NKAIN3: variants seen among roughly 807,000 people sequenced by gnomAD.
NKAIN3 encodes the protein sodium/potassium-transporting ATPase subunit beta-1-interacting protein 3.
NKAIN3 carries 25 observed loss-of-function variants against 30.2 expected under a neutral mutation model. That is an observed-to-expected ratio of 0.83 (90% CI 0.60 to 1.16). The LOEUF (loss-of-function observed/expected upper bound fraction) is 1.16, where lower values mean the gene tolerates loss of function less well. NKAIN3 is among the 50% of genes most tolerant of loss of function. The probability of loss-of-function intolerance (pLI) is 0.00; values close to 1 mark genes in which losing one functional copy is unlikely to be tolerated. For missense variants in NKAIN3, 225 were observed against 254.1 expected (o/e 0.89, Z 0.78); for synonymous variants, 91 against 89.6 (o/e 1.02, Z -0.09).
intron 1 of NKAIN3, among the ~76,000 whole-genome samples, chr8:62,577,340 C>T (rs1332743591): frequency 6.6e-6 from 1 of 151,792 alleles, no homozygotes; most frequent in African/African-American, 2.4e-5. Flanking sequence ...TCTTTAATAT[C>T]ATAAAAGAGA....
chr8:62,505,571 T>C (rs1807606123), intron 1 of NKAIN3, among the ~76,000 whole-genome samples: 1 of 152,164 alleles, frequency 6.6e-6, no homozygotes, highest in Non-Finnish European at 1.5e-5. Context: ...TATCCCCTGC[T>C]CTACAGAATG....
chr8:62,266,482 TA>T (rs1812604706), intron 1 of NKAIN3, among the ~76,000 whole-genome samples: 1 of 152,180 alleles, frequency 6.6e-6, no homozygotes, highest in Admixed American at 6.5e-5. Context: ...AAATAGATAT[TA>T]TCAAAATTTC....
At chr8:62,828,402 A>G (rs1819090878) in intron 4 of NKAIN3, among the ~76,000 whole-genome samples, 1 of 152,198 alleles carries the variant, frequency 6.6e-6, no homozygotes, top group Non-Finnish European at 1.5e-5. Context: ...AGTCCATTTT[A>G]TTGTATGATA....
chr8:62,889,958 T>A (rs377610885), intron 4 of NKAIN3, among the ~76,000 whole-genome samples: 8 of 152,156 alleles, frequency 5.3e-5, no homozygotes, highest in African/African-American at 1.7e-4. Flanking sequence ...TTTCTCAATA[T>A]GATTTTGGTT....
chr8:62,748,546 C>G (rs1418986021), intron 4 of NKAIN3, among the ~76,000 whole-genome samples: 1 of 152,162 alleles, frequency 6.6e-6, no homozygotes, highest in East Asian at 1.9e-4. Context: ...CATGGCTCTT[C>G]TAGGGCCACC....
chr8:62,287,326 G>A (rs59311856), intron 1 of NKAIN3, among the ~76,000 whole-genome samples: 5,053 of 151,996 alleles, frequency 0.033, 310 homozygotes, highest in African/African-American at 0.12. Context: ...GTGATTTCAT[G>A]CATTAATATG....
chr8:62,257,544 G>A (rs894567225), intron 1 of NKAIN3, among the ~76,000 whole-genome samples: 6 of 152,004 alleles, frequency 3.9e-5, no homozygotes, highest in African/African-American at 1.4e-4. Context: ...ACTTCATCCT[G>A]TCACTCCTCT....
chr8:62,726,524 A>G (rs566946510), intron 3 of NKAIN3, among the ~76,000 whole-genome samples: 1 of 152,100 alleles, frequency 6.6e-6, no homozygotes, highest in East Asian at 1.9e-4. Context: ...AATTTTATCA[A>G]ATGATTTCTC....
intron 1 of NKAIN3, among the ~76,000 whole-genome samples, chr8:62,305,713 T>G (rs536158649): frequency 3.3e-5 from 5 of 150,456 alleles, no homozygotes; most frequent in Admixed American, 6.6e-5. Flanking sequence ...CACTAAAGTG[T>G]GATGATGGAT....
rs2130032596 is a variant in NKAIN3, at chr8:62,573,888, A to C, written c.55-5651A>C. On this transcript the variant is annotated intron_variant, in intron 1 of 6. Coordinates refer to ENST00000623646, the MANE Select transcript of NKAIN3 (RefSeq NM_001304533.3). ...TCATTCTTGTTGTTACAAACAATCT[A>C]ATTATACTTTTGTAGCTATTTTAAA... Among the ~76,000 whole-genome samples, 2 of 152,272 alleles carry C rather than the reference A, an allele frequency of 1.3e-5. 1 individual carries two copies. Among genetic ancestry groups the C allele is most frequent in the East Asian group, 3.9e-4 (2 of 5,178 alleles).
intron 5 of NKAIN3, among the ~76,000 whole-genome samples, chr8:62,932,316 C>T (rs1300724648): frequency 6.6e-6 from 1 of 152,178 alleles, no homozygotes; most frequent in African/African-American, 2.4e-5. Flanking sequence ...GAAGATCTTA[C>T]ATTCTAATAA....
chr8:62,627,826 A>G (rs959337924), intron 3 of NKAIN3, among the ~76,000 whole-genome samples: 7 of 152,130 alleles, frequency 4.6e-5, no homozygotes, highest in Non-Finnish European at 8.8e-5. Context: ...TGGAGACAGA[A>G]GTAGACTGCT....
At chr8:62,958,390 G>A (rs1224975484) in intron 6 of NKAIN3, among the ~76,000 whole-genome samples, 2 of 152,010 alleles carry the variant, frequency 1.3e-5, no homozygotes, top group Non-Finnish European at 2.9e-5. Context: ...TACCACAACT[G>A]CTATCGAGGG....
intron 4 of NKAIN3, among the ~76,000 whole-genome samples, chr8:62,883,867 T>A (rs1180321872): frequency 6.6e-6 from 1 of 152,198 alleles, no homozygotes; most frequent in Admixed American, 6.5e-5. Flanking sequence ...CTAATACTTG[T>A]ATTCAATTCC....
At chr8:62,646,138 GAAA>G (rs75073790) in intron 3 of NKAIN3, among the ~76,000 whole-genome samples, 200 of 116,196 alleles carry the variant, frequency 1.7e-3, no homozygotes, top group African/African-American at 5.3e-3. Flanking sequence ...CCTCATTCTG[GAAA>G]AAAAAAAAAA....
Position 62,365,222 on chromosome 8 carries a change from A to G in NKAIN3, c.54+116095A>G, listed in dbSNP as rs151298436. Among the ~76,000 whole-genome samples, 539 of 152,328 alleles carry G rather than the reference A, an allele frequency of 3.5e-3. 1 individual carries two copies. The highest frequency in any genetic ancestry group is 5.8e-3 in the Non-Finnish European group (397 of 68,024). On this transcript the variant is annotated intron_variant, in intron 1 of 6. Coordinates refer to ENST00000623646, the MANE Select transcript of NKAIN3 (RefSeq NM_001304533.3). Reference sequence around the variant, plus strand: ...ATAAATTTCAAGTATACAGAAAAGTATAGAGCAAATATCCCAAATACCTGT... The same window carrying G: ...ATAAATTTCAAGTATACAGAAAAGTGTAGAGCAAATATCCCAAATACCTGT...
intron 5 of NKAIN3, among the ~76,000 whole-genome samples, chr8:62,923,190 C>T (rs6472060): frequency 0.027 from 4,058 of 151,918 alleles, 160 homozygotes; most frequent in African/African-American, 0.083. Flanking sequence ...CCCAGCTACT[C>T]GGGAGGCTCA....
chr8:62,381,433 A>T (rs1209628222), intron 1 of NKAIN3, among the ~76,000 whole-genome samples: 1 of 152,072 alleles, frequency 6.6e-6, no homozygotes, highest in Non-Finnish European at 1.5e-5. Flanking sequence ...CTACCCTCGA[A>T]AGTCAAGCTT....
At chr8:62,725,707 C>T (rs549194774) in intron 3 of NKAIN3, among the ~76,000 whole-genome samples, 2 of 152,088 alleles carry the variant, frequency 1.3e-5, no homozygotes, top group South Asian at 4.1e-4. Flanking sequence ...TTTCAGTGGT[C>T]CATGTGTCTG....
Sources: gnomAD v4.1 joint callset for allele counts (sites outside exome capture counted in the v4.1 genomes callset) on GRCh38, gnomAD v4.1.1 for gene constraint, MANE v1.5 for transcripts, NCBI Gene and HGNC (gene_info 2026-07-23, HGNC 2026-07-21) for gene names.